Variants in TYW3 observed in about 807,000 individuals in gnomAD.
TYW3 encodes the protein tRNA wybutosine-synthesizing protein 3 homolog.
A neutral mutation model predicts 23.1 loss-of-function variants in TYW3; 26 were observed. The observed-to-expected ratio is 1.13, with a 90% CI of 0.83 to 1.56. The LOEUF (loss-of-function observed/expected upper bound fraction) is 1.56, where lower values mean the gene tolerates loss of function less well. Ranked by LOEUF, TYW3 falls within the 40% of genes most tolerant of loss-of-function variation. The probability of loss-of-function intolerance (pLI) is 0.00; values close to 1 mark genes in which losing one functional copy is unlikely to be tolerated. For synonymous variants in TYW3, 102 were observed against 105.7 expected, an observed-to-expected ratio of 0.97 and a Z score of 0.21; for missense variants, 316 against 311.9, an observed-to-expected ratio of 1.01 and a Z score of -0.10.
rs556796468 is a variant in TYW3, at chr1:74,749,696, G to A, written c.426+874G>A. The stretch of plus-strand genomic sequence containing the variant: ...GAAAATCAAAGCCTGGCCAGGCGTG[G>A]TGGCTCATGCTTGTAATCCCAGCAC... On this transcript the variant is annotated intron_variant, in intron 4 of 5. Coordinates refer to ENST00000370867, the MANE Select transcript of TYW3 (RefSeq NM_138467.3). 3.9e-5 allele frequency among the ~76,000 whole-genome samples: 6 copies of A among 152,342 alleles called. No homozygotes were observed. The South Asian group carries it at 1.0e-3, about 26-fold the overall frequency.
intron 3 of TYW3, among the ~76,000 whole-genome samples, chr1:74,747,767 ATATG>A (rs1222250650): frequency 2.7e-5 from 4 of 150,772 alleles, no homozygotes; most frequent in Non-Finnish European, 5.9e-5. Context: ...ATGTATGTGT[ATATG>A]TGTGTATATG....
intron 5 of TYW3, among the ~76,000 whole-genome samples, chr1:74,762,734 T>C (rs1649172830): frequency 6.6e-6 from 1 of 152,148 alleles, no homozygotes; most frequent in Non-Finnish European, 1.5e-5. Flanking sequence ...AAATCAAGAC[T>C]GTGGGAAATT....
Position 74,748,830 on chromosome 1 carries a change from A to G in TYW3, c.426+8A>G. On this transcript the variant is annotated splice_region_variant and intron_variant, in intron 4 of 5. Transcript: ENST00000370867. Reference sequence around the variant, plus strand: ...AGAGGAAAAACTATGTTGGTAAGATATTTTGTCAAAGAGTAATTTTTTTAG... The same window carrying G: ...AGAGGAAAAACTATGTTGGTAAGATGTTTTGTCAAAGAGTAATTTTTTTAG... The G allele has an allele frequency of 1.2e-6, 2 of 1,613,450 alleles. No individual in the cohort carries two copies. The highest frequency in any genetic ancestry group is 1.1e-5 in the South Asian group (1 of 91,030).
At chr1:74,761,158 T>C (rs1418750813) in intron 5 of TYW3, among the ~76,000 whole-genome samples, 2 of 152,052 alleles carry the variant, frequency 1.3e-5, no homozygotes, top group African/African-American at 4.8e-5. Flanking sequence ...AGTGTTACTG[T>C]ATAAGGGGAG....
intron 3 of TYW3, among the ~76,000 whole-genome samples, chr1:74,739,724 A>G (rs1648284320): frequency 6.6e-6 from 1 of 152,218 alleles, no homozygotes; most frequent in Non-Finnish European, 1.5e-5. Context: ...GTGGCTTTCT[A>G]GGTTTTTGTT....
intron 3 of TYW3, among the ~76,000 whole-genome samples, chr1:74,741,582 A>G (rs573740752): frequency 6.6e-6 from 1 of 152,302 alleles, no homozygotes; most frequent in East Asian, 1.9e-4. Flanking sequence ...CCTGGTTGAA[A>G]CAACTCTGTT....
At chr1:74,743,594 C>T (rs1472183058) in intron 3 of TYW3, among the ~76,000 whole-genome samples, 1 of 152,140 alleles carries the variant, frequency 6.6e-6, no homozygotes, top group African/African-American at 2.4e-5. Flanking sequence ...TTGAGTAATT[C>T]ATGGGCTTTT....
Position 74,764,355 on chromosome 1 carries a change from C to T in TYW3, c.*242C>T. 2.9e-6 allele frequency: 1 copy of T among 347,066 alleles called. No individual in the cohort carries two copies. Among genetic ancestry groups the T allele is most frequent in the Non-Finnish European group, 5.2e-6 (1 of 193,536 alleles). 21.5% of individuals were successfully genotyped at this position (347,066 alleles called of 1,614,324 possible). A position where few individuals can be genotyped will look rare whatever the true frequency, so the allele number is the denominator to read the frequency against. ...GCTATAGTTATCCCTACTTTTTTAC[C>T]AGTTTCTCCCAGAAGCACCTGCTTA... On this transcript the variant is annotated 3_prime_UTR_variant, in exon 6 of 6. Transcript: ENST00000370867.
At chr1:74,755,697 A>G (rs1648929231) in intron 5 of TYW3, among the ~76,000 whole-genome samples, 1 of 152,228 alleles carries the variant, frequency 6.6e-6, no homozygotes, top group East Asian at 1.9e-4. Flanking sequence ...GAAGTGGTAT[A>G]GTGTAATCAA....
At chr1:74,761,293 G>C (rs1649130295) in intron 5 of TYW3, among the ~76,000 whole-genome samples, 2 of 152,060 alleles carry the variant, frequency 1.3e-5, no homozygotes, top group Non-Finnish European at 1.5e-5. Flanking sequence ...CATTTTACCA[G>C]TTGTTTTGGT....
At chr1:74,752,504 T>C in intron 5 of TYW3, 79 bp downstream of exon 5, 1 of 1,250,732 alleles carries the variant, frequency 8.0e-7, no homozygotes, top group East Asian at 2.4e-5. Context: ...CTATCTTCAG[T>C]TTATAATGCC....
intron 5 of TYW3, among the ~76,000 whole-genome samples, chr1:74,753,217 G>A (rs991218632): frequency 2.6e-5 from 4 of 151,926 alleles, no homozygotes; most frequent in African/African-American, 9.7e-5. Flanking sequence ...CACTCTTTTG[G>A]CTACTTCCAT....
intron 3 of TYW3, among the ~76,000 whole-genome samples, chr1:74,743,838 G>A (rs28831813): frequency 0.39 from 59,764 of 151,978 alleles, 14,398 homozygotes; most frequent in Non-Finnish European, 0.55. Context: ...AAAGGCCAGG[G>A]TTTGATCTAA....
In TYW3 at chr1:74,738,014, C is replaced by T. The variant is rs368423469; in HGVS notation, c.256-676C>T. Among the ~76,000 whole-genome samples the T allele has an allele frequency of 2.6e-5, 4 of 152,064 alleles. No individual in the cohort carries two copies. The East Asian group carries it at 7.8e-4, about 30-fold the overall frequency. ...GGTCTGAAATACAGAAAGCTAGGAACGTGCTCAGGGGCCATTGGTTCTCAT... is the reference window on the plus strand; with the variant it reads ...GGTCTGAAATACAGAAAGCTAGGAATGTGCTCAGGGGCCATTGGTTCTCAT... On this transcript the variant is annotated intron_variant, in intron 2 of 5. Transcript: ENST00000370867.
intron 3 of TYW3, among the ~76,000 whole-genome samples, chr1:74,743,500 G>C (rs989075324): frequency 3.9e-5 from 6 of 152,130 alleles, no homozygotes; most frequent in Non-Finnish European, 7.3e-5. Flanking sequence ...GGTGACAGGG[G>C]AGTATATTTT....
chr1:74,738,635 G>GT, intron 2 of TYW3, 55 bp from the exon 3 acceptor site: 1 of 1,267,992 alleles, frequency 7.9e-7, no homozygotes, highest in Non-Finnish European at 1.1e-6. Context: ...GGGGTAAAGG[G>GT]TCGCCAAAGG....
chr1:74,759,693 G>C (rs1207869963), intron 5 of TYW3, among the ~76,000 whole-genome samples: 1 of 152,106 alleles, frequency 6.6e-6, no homozygotes, highest in Non-Finnish European at 1.5e-5. Flanking sequence ...ACCCAGGCTG[G>C]AGTACAGTGG....
At chr1:74,763,028 T>C (rs377536949) in intron 5 of TYW3, among the ~76,000 whole-genome samples, 1 of 152,194 alleles carries the variant, frequency 6.6e-6, no homozygotes, top group African/African-American at 2.4e-5. Flanking sequence ...TGTATTTTAC[T>C]TACAAAGAAA....
At chr1:74,745,655 A>C (rs1557745348) in intron 3 of TYW3, among the ~76,000 whole-genome samples, 1 of 152,252 alleles carries the variant, frequency 6.6e-6, no homozygotes, top group Non-Finnish European at 1.5e-5. Flanking sequence ...GAAGGAATGG[A>C]AATCAAGAAT....
Sources: gnomAD v4.1 joint callset for allele counts (sites outside exome capture counted in the v4.1 genomes callset) on GRCh38, gnomAD v4.1.1 for gene constraint, MANE v1.5 for transcripts, NCBI Gene and HGNC (gene_info 2026-07-23, HGNC 2026-07-21) for gene names.